Variants in DACH2 observed in about 807,000 individuals in gnomAD.
DACH2 encodes the protein dachshund family transcription factor 2, also known as dachshund homolog 2.
In DACH2, 17 loss-of-function variants were observed where a neutral mutation model predicts 35.8. The observed-to-expected ratio is 0.48, with a 90% CI of 0.33 to 0.71. The LOEUF (loss-of-function observed/expected upper bound fraction) is 0.71. Ranked by LOEUF, DACH2 falls within the 30% of genes least tolerant of loss-of-function variation. The pLI, the probability that DACH2 is intolerant of heterozygous loss-of-function variation, is 0.02. For missense variants in DACH2, 469 were observed against 472.7 expected (o/e 0.99, Z 0.07); for synonymous variants, 195 against 177.3 (o/e 1.10, Z -0.79).
At chrX:86,694,235 C>T (rs749270267) in intron 4 of DACH2, among the ~76,000 whole-genome samples, 6 of 112,047 alleles carry the variant, frequency 5.4e-5, no homozygotes, top group Non-Finnish European at 9.4e-5. Flanking sequence ...AGACTATGTG[C>T]TCCTGCAGTG....
At chrX:86,467,998 T>A (rs779993353) in intron 2 of DACH2, among the ~76,000 whole-genome samples, 1 of 111,026 alleles carries the variant, frequency 9.0e-6, no homozygotes, top group East Asian at 2.9e-4. Context: ...AAGATGAGAT[T>A]TGGGTGGGGA....
intron 1 of DACH2, among the ~76,000 whole-genome samples, chrX:86,338,148 A>T (rs116238779): frequency 0.011 from 1,219 of 111,652 alleles, 17 homozygotes; most frequent in African/African-American, 0.037. Flanking sequence ...TAAGTATTAG[A>T]CAGATCAACA....
chrX:86,473,084 A>T (rs957169116), intron 2 of DACH2, among the ~76,000 whole-genome samples: 5 of 111,889 alleles, frequency 4.5e-5, no homozygotes, highest in African/African-American at 1.6e-4. Flanking sequence ...ATTTTTATAC[A>T]GGCATGCAAT....
chrX:86,170,181 A>G (rs1475521455), intron 1 of DACH2, among the ~76,000 whole-genome samples: 1 of 109,135 alleles, frequency 9.2e-6, no homozygotes, highest in Non-Finnish European at 1.9e-5. Flanking sequence ...ACTTTTTCCC[A>G]AACAAAAAGC....
intron 1 of DACH2, among the ~76,000 whole-genome samples, chrX:86,342,496 C>A (rs2035428612): frequency 9.2e-6 from 1 of 108,975 alleles, no homozygotes; most frequent in African/African-American, 3.4e-5. Flanking sequence ...TAGAGTGAGA[C>A]CCTGTCTCAA....
At chrX:86,478,324 A>G (rs2037880213) in intron 2 of DACH2, among the ~76,000 whole-genome samples, 1 of 110,817 alleles carries the variant, frequency 9.0e-6, no homozygotes, top group South Asian at 3.8e-4. Context: ...TTGTTTGTTT[A>G]GGAAAGTCTT....
chrX:86,200,515 T>C (rs1227139656), intron 1 of DACH2, among the ~76,000 whole-genome samples: 1 of 109,454 alleles, frequency 9.1e-6, no homozygotes, highest in Non-Finnish European at 1.9e-5. Flanking sequence ...GAGAAAATTT[T>C]TGCAAACAAT....
At chrX:86,722,123 A>T (rs1340479328) in intron 6 of DACH2, among the ~76,000 whole-genome samples, 3 of 111,926 alleles carry the variant, frequency 2.7e-5, no homozygotes, top group Non-Finnish European at 5.6e-5. Flanking sequence ...TCCAGTTCTT[A>T]GAATACTTTC....
intron 4 of DACH2, among the ~76,000 whole-genome samples, chrX:86,665,165 A>G (rs960216313): frequency 1.8e-5 from 2 of 112,249 alleles, no homozygotes; most frequent in African/African-American, 3.2e-5. Context: ...ATAAACATGG[A>G]AAGTTTTATA....
chrX:86,828,919 G>T (rs2042586711), intron 11 of DACH2: 1 of 111,659 alleles, frequency 9.0e-6, no homozygotes. Flanking sequence ...AATCCATTGT[G>T]TTGTTTTCAC....
chrX:86,201,732 C>T (rs1300544472), intron 1 of DACH2, among the ~76,000 whole-genome samples: 1 of 111,078 alleles, frequency 9.0e-6, no homozygotes, highest in East Asian at 2.8e-4. Context: ...TTTGGGTAGG[C>T]TAAGAGTAAT....
intron 3 of DACH2, among the ~76,000 whole-genome samples, chrX:86,586,530 GGTTTTTACATTTAA>G (rs781292881): frequency 1.9e-3 from 215 of 111,035 alleles, no homozygotes; most frequent in African/African-American, 6.6e-3. Flanking sequence ...TGTCTTTCAG[GGTTTTTACATTTAA>G]GTTTTTACAT....
At chrX:86,669,610 A>G (rs1208419098) in intron 4 of DACH2, among the ~76,000 whole-genome samples, 2 of 111,615 alleles carry the variant, frequency 1.8e-5, no homozygotes, top group African/African-American at 6.5e-5. Flanking sequence ...GTAAAGTTCA[A>G]ATAGACAGTA....
intron 3 of DACH2, among the ~76,000 whole-genome samples, chrX:86,540,238 A>G (rs2038862082): frequency 8.9e-6 from 1 of 111,768 alleles, no homozygotes; most frequent in Non-Finnish European, 1.9e-5. Flanking sequence ...ATAACTCCCA[A>G]TTAACCTTTT....
intron 2 of DACH2, among the ~76,000 whole-genome samples, chrX:86,490,211 T>C (rs751783801): frequency 2.7e-5 from 3 of 112,131 alleles, no homozygotes; most frequent in South Asian, 3.6e-4. Flanking sequence ...CTATTCTTTA[T>C]TTTTTCTTCC....
At chrX:86,720,971 G>A (rs1298412199) in intron 6 of DACH2, among the ~76,000 whole-genome samples, 2 of 112,567 alleles carry the variant, frequency 1.8e-5, no homozygotes, top group Non-Finnish European at 3.8e-5. Flanking sequence ...CTTGGGGCTT[G>A]CACCCTCTGA....
At chrX:86,302,989 A>G (rs781059961) in intron 1 of DACH2, among the ~76,000 whole-genome samples, 19 of 107,170 alleles carry the variant, frequency 1.8e-4, no homozygotes, top group Non-Finnish European at 2.9e-4. Context: ...ATGAAGAGGT[A>G]CTATTATTAT....
chrX:86,763,934 C>A (rs1482525049), intron 7 of DACH2, among the ~76,000 whole-genome samples: 2 of 111,735 alleles, frequency 1.8e-5, no homozygotes, highest in Non-Finnish European at 3.8e-5. Flanking sequence ...ATTAGAAAGA[C>A]ATACACCAAA....
chrX:86,288,205 T>A (rs181625637), intron 1 of DACH2, among the ~76,000 whole-genome samples: 84 of 111,966 alleles, frequency 7.5e-4, no homozygotes, highest in African/African-American at 2.7e-3. Flanking sequence ...AGGAGAGAGA[T>A]TTTTGTTCTT....
Sources: allele counts gnomAD v4.1 joint callset (sites outside exome capture counted in the v4.1 genomes callset), GRCh38; gene constraint gnomAD v4.1.1; transcripts MANE v1.5; gene names NCBI Gene and HGNC (gene_info 2026-07-23, HGNC 2026-07-21).